The following PCMT1 variants were observed in gnomAD, a reference collection of about 807,000 sequenced individuals.
PCMT1 encodes the protein protein-L-isoaspartate(D-aspartate) O-methyltransferase.
A neutral mutation model predicts 29.2 loss-of-function variants in PCMT1; 9 were observed. The ratio of observed to expected loss-of-function variants is 0.31; its 90% CI spans 0.19 to 0.54. The LOEUF is 0.54. PCMT1 is among the 20% of genes least tolerant of loss of function. PCMT1 has a pLI of 0.95. For missense variants in PCMT1, 184 were observed against 282.2 expected (o/e 0.65, Z 2.49); for synonymous variants, 98 against 97.5 (o/e 1.00, Z -0.03).
At chr6:149,762,333 C>T (rs915220894) in intron 1 of PCMT1, among the ~76,000 whole-genome samples, 32 of 151,390 alleles carry the variant, frequency 2.1e-4, no homozygotes, top group Non-Finnish European at 7.4e-5. Flanking sequence ...TCTTTAGACC[C>T]TAGGGCGGCA....
chr6:149,784,924 C>T (rs1361563317), intron 3 of PCMT1, among the ~76,000 whole-genome samples: 10 of 152,162 alleles, frequency 6.6e-5, no homozygotes, highest in Non-Finnish European at 4.4e-5. Flanking sequence ...GTCTACTCCA[C>T]GTTCAAAGTT....
chr6:149,775,627 G>A (rs1428773672), intron 3 of PCMT1, among the ~76,000 whole-genome samples: 3 of 152,168 alleles, frequency 2.0e-5, no homozygotes. Flanking sequence ...AGGATTGTCT[G>A]AGTCCAGGAA....
At chr6:149,772,383 T>C (rs2115254667) in intron 2 of PCMT1, 1 of 321,482 alleles carries the variant, frequency 3.1e-6, no homozygotes. Context: ...TTAAGCTACT[T>C]TTTCAGTTAT....
At chr6:149,751,519 T>C (rs1190721277) in intron 1 of PCMT1, among the ~76,000 whole-genome samples, 1 of 148,742 alleles carries the variant, frequency 6.7e-6, no homozygotes, top group African/African-American at 2.5e-5. Context: ...ACTCCCTCTG[T>C]AGCCCAGACT....
intron 3 of PCMT1, among the ~76,000 whole-genome samples, chr6:149,780,235 G>T (rs983441050): frequency 5.9e-5 from 9 of 151,826 alleles, no homozygotes; most frequent in Non-Finnish European, 1.3e-4. Context: ...CAGCTATTCT[G>T]CAGACTGAGG....
chr6:149,792,520 G>GT (rs913023963), intron 4 of PCMT1, among the ~76,000 whole-genome samples: 107 of 152,050 alleles, frequency 7.0e-4, no homozygotes, highest in African/African-American at 2.6e-3. Context: ...GTTGCTTTTT[G>GT]TTTGTTTTCT....
At chr6:149,773,476 T>C (rs1426188913) in intron 3 of PCMT1, among the ~76,000 whole-genome samples, 3 of 152,220 alleles carry the variant, frequency 2.0e-5, no homozygotes, top group Admixed American at 6.5e-5. Context: ...ACTTCCGGGT[T>C]CATGCCATTC....
intron 1 of PCMT1, among the ~76,000 whole-genome samples, chr6:149,758,208 C>CTTT (rs756014067): frequency 1.4e-4 from 10 of 73,904 alleles, no homozygotes; most frequent in Non-Finnish European, 1.5e-4. Context: ...TTCTTTCTTT[C>CTTT]TTTTTTTTTT....
chr6:149,750,212 C>T (rs555839452), intron 1 of PCMT1: 4 of 555,802 alleles, frequency 7.2e-6, no homozygotes, highest in African/African-American at 1.9e-5. Flanking sequence ...GCAGTCGTCT[C>T]CCTGCAGGCC....
intron 7 of PCMT1, among the ~76,000 whole-genome samples, chr6:149,805,939 CAAAA>C (rs58998570): frequency 0.085 from 7,346 of 86,174 alleles, 452 homozygotes; most frequent in African/African-American, 0.18. Context: ...GACTCTGTCT[CAAAA>C]AAAAAAAAAA....
intron 3 of PCMT1, among the ~76,000 whole-genome samples, chr6:149,774,443 G>A (rs1431973800): frequency 6.7e-6 from 1 of 149,796 alleles, no homozygotes; most frequent in Non-Finnish European, 1.5e-5. Flanking sequence ...GCTTCACTAT[G>A]TTGGCCAGGC....
intron 1 of PCMT1, among the ~76,000 whole-genome samples, chr6:149,762,908 C>CTATGATATATATATCTATGATATA (rs1269171188): frequency 4.1e-5 from 2 of 48,588 alleles, no homozygotes; most frequent in Non-Finnish European, 5.6e-5. Context: ...TGATATATAT[C>CTATGATATATATATCTATGATATA]TATGATATAT....
At chr6:149,774,289 G>A (rs1787461817) in intron 3 of PCMT1, among the ~76,000 whole-genome samples, 1 of 151,572 alleles carries the variant, frequency 6.6e-6, no homozygotes, top group East Asian at 1.9e-4. Flanking sequence ...GCCCAGGCTG[G>A]TGTGCAGTGG....
intron 1 of PCMT1, among the ~76,000 whole-genome samples, chr6:149,769,109 C>T (rs908500022): frequency 6.6e-5 from 10 of 151,920 alleles, no homozygotes; most frequent in African/African-American, 7.2e-5. Flanking sequence ...TTTTTATTTG[C>T]ATTTAGTTTT....
intron 1 of PCMT1, among the ~76,000 whole-genome samples, chr6:149,760,789 T>C (rs1420080489): frequency 6.6e-6 from 1 of 151,994 alleles, no homozygotes; most frequent in East Asian, 1.9e-4. Context: ...GAGTCGGAGG[T>C]TGCAGTGAGC....
rs186935077 is a variant in PCMT1 at position 149,768,721 on chromosome 6, G to A, written c.56-2441G>A. Among the ~76,000 whole-genome samples, 552 of 152,010 alleles carry A rather than the reference G, an allele frequency of 3.6e-3. 8 individuals carry two copies. Among genetic ancestry groups the A allele is most frequent in the Middle Eastern group, 3.4e-3 (1 of 294 alleles). Reference sequence around the variant, plus strand: ...GGCTCACTGCAGCCTCCTTCTCCTGGGTTCAAGCGATTCTTGTGCCTCGGC... The same window carrying A: ...GGCTCACTGCAGCCTCCTTCTCCTGAGTTCAAGCGATTCTTGTGCCTCGGC... On this transcript the variant is annotated intron_variant, in intron 1 of 7. Transcript: ENST00000464889.
At chr6:149,778,416 A>T (rs1308872676) in intron 3 of PCMT1, among the ~76,000 whole-genome samples, 2 of 150,778 alleles carry the variant, frequency 1.3e-5, no homozygotes, top group African/African-American at 4.9e-5. Context: ...TTTAGTAGAG[A>T]TGGGATTTCA....
intron 5 of PCMT1, 139 bp downstream of exon 5, chr6:149,793,808 T>A: frequency 1.4e-6 from 1 of 705,872 alleles, no homozygotes; most frequent in Non-Finnish European, 2.1e-6. Flanking sequence ...TAAAAACGAT[T>A]ATTTTTGCTC....
At chr6:149,764,873 C>T (rs183886007) in intron 1 of PCMT1, among the ~76,000 whole-genome samples, 3 of 151,078 alleles carry the variant, frequency 2.0e-5, no homozygotes, top group African/African-American at 7.3e-5. Flanking sequence ...AACCCCGTCT[C>T]TACTAAAAAT....
Sources: gnomAD v4.1 joint callset for allele counts (sites outside exome capture counted in the v4.1 genomes callset) on GRCh38, gnomAD v4.1.1 for gene constraint, MANE v1.5 for transcripts, NCBI Gene and HGNC (gene_info 2026-07-23, HGNC 2026-07-21) for gene names.